Variants in DZANK1 observed in about 807,000 individuals in gnomAD.
The protein encoded by DZANK1 is double zinc ribbon and ankyrin repeat domains 1, also known as double zinc ribbon and ankyrin repeat-containing protein 1.
Under a neutral mutation model 94.5 loss-of-function variants are expected in DZANK1, and 91 were observed. The observed-to-expected ratio is 0.96, with a 90% CI of 0.81 to 1.15. DZANK1 has a LOEUF of 1.15. DZANK1 is among the 50% of genes most tolerant of loss of function. The probability of loss-of-function intolerance (pLI) is 0.00; values close to 1 mark genes in which losing one functional copy is unlikely to be tolerated. For missense variants in DZANK1, 903 were observed against 916.4 expected (o/e 0.99, Z 0.19); for synonymous variants, 312 against 325.3 (o/e 0.96, Z 0.44).
rs774305044 is a variant in DZANK1 at position 18,415,308 on chromosome 20, T to C, written c.1077+19A>G. On this transcript the variant is annotated intron_variant, in intron 11 of 20. Coordinates refer to ENST00000262547, the Ensembl canonical transcript of DZANK1. Reference sequence around the variant, plus strand: ...GGTGAGGTGCTCAGTATACAGAATCTCAGTTTTAAAATACCCACCATGGCT... The same window carrying C: ...GGTGAGGTGCTCAGTATACAGAATCCCAGTTTTAAAATACCCACCATGGCT... The C allele has an allele frequency of 6.6e-7, 1 of 1,516,854 alleles. No homozygotes were observed. Among genetic ancestry groups the C allele is most frequent in the South Asian group, 1.3e-5 (1 of 77,482 alleles). 94.0% of individuals were successfully genotyped at this position (1,516,854 alleles called of 1,614,324 possible). A position where few individuals can be genotyped will look rare whatever the true frequency, so the allele number is the denominator to read the frequency against.
At position 18,419,945 on chromosome 20, in the gene DZANK1, C is replaced by T. The variant is rs147227338; in HGVS notation, c.955-4496G>A. On this transcript the variant is annotated intron_variant, in intron 10 of 20. Coordinates refer to ENST00000262547, the Ensembl canonical transcript of DZANK1. The stretch of plus-strand genomic sequence containing the variant: ...TGGTTTTTTCCTCTTAATTCCCTTA[C>T]AAGCCCTTATAATTGTTTAAAGTAG... Among the ~76,000 whole-genome samples, 31 of 150,200 alleles carry T rather than the reference C, an allele frequency of 2.1e-4. No homozygotes were observed. In the East Asian group the frequency reaches 5.5e-3, roughly 27 times the overall value.
At chr20:18,415,778 G>T (rs530421084) in intron 10 of DZANK1, among the ~76,000 whole-genome samples, 126 of 152,308 alleles carry the variant, frequency 8.3e-4, no homozygotes, top group African/African-American at 2.9e-3. Context: ...ATTAATGAAG[G>T]AAGAAGAGAG....
At chr20:18,442,512 G>A (rs1250335601) in intron 8 of DZANK1, among the ~76,000 whole-genome samples, 1 of 151,898 alleles carries the variant, frequency 6.6e-6, no homozygotes, top group Non-Finnish European at 1.5e-5. Flanking sequence ...TCTTTAAGGA[G>A]TTTAAAATGT....
intron 13 of DZANK1, among the ~76,000 whole-genome samples, chr20:18,408,473 C>A (rs2057069854): frequency 6.6e-6 from 1 of 152,092 alleles, no homozygotes; most frequent in African/African-American, 2.4e-5. Context: ...TAATTAAACT[C>A]TAAAAGGTCA....
chr20:18,439,524 TCTTA>T (rs780265325), intron 8 of DZANK1, among the ~76,000 whole-genome samples: 2 of 152,178 alleles, frequency 1.3e-5, no homozygotes, highest in Non-Finnish European at 2.9e-5. Flanking sequence ...GTCAGATTCC[TCTTA>T]CTGAAACATC....
At chr20:18,400,425 G>T (rs1412810761) in intron 13 of DZANK1, among the ~76,000 whole-genome samples, 1 of 152,190 alleles carries the variant, frequency 6.6e-6, no homozygotes, top group Non-Finnish European at 1.5e-5. Context: ...CATGAGTGAG[G>T]GCAGCCCAAG....
At chr20:18,385,164 C>T in intron 19 of DZANK1, 74 bp from the exon 20 acceptor site, 1 of 1,460,490 alleles carries the variant, frequency 6.8e-7, no homozygotes, top group South Asian at 1.2e-5. Context: ...TGCATGTGAC[C>T]CAAGGTCCTG....
chr20:18,415,277 G>A (rs753467918), intron 11 of DZANK1, 50 bp downstream of exon 11: 21 of 1,390,618 alleles, frequency 1.5e-5, no homozygotes, highest in African/African-American at 3.0e-5. Flanking sequence ...CTCTCTCCAG[G>A]CCAGTGGTGA....
At position 18,412,637 on chromosome 20, in the gene DZANK1, C is replaced by A. The variant is rs749051406; in HGVS notation, c.1432+9G>T. 2.5e-6 allele frequency: 4 copies of A among 1,611,666 alleles called. No homozygotes were observed. The African/African-American group carries it at 5.3e-5, about 22-fold the overall frequency. ...TCCCGACCAGAAGAAAGGGCATCCTCCCCCTTACCTCTTCCTGGGCTGATG... is the reference window on the plus strand; with the variant it reads ...TCCCGACCAGAAGAAAGGGCATCCTACCCCTTACCTCTTCCTGGGCTGATG... On this transcript the variant is annotated intron_variant, in intron 13 of 20. Transcript: ENST00000262547.
intron 10 of DZANK1, among the ~76,000 whole-genome samples, chr20:18,424,584 C>T (rs1186502214): frequency 6.6e-6 from 1 of 151,996 alleles, no homozygotes; most frequent in African/African-American, 2.4e-5. Context: ...AAGTGATATG[C>T]CAGCAATATA....
intron 4 of DZANK1, 158 bp from the exon 5 acceptor site, chr20:18,453,985 G>A (rs1452388454): frequency 1.3e-6 from 1 of 741,972 alleles, no homozygotes; most frequent in Admixed American, 1.7e-5. Flanking sequence ...CTGGAAACAT[G>A]CAGCTTTGTA....
chr20:18,429,646 T>G lies in DZANK1; in HGVS notation c.862-2487A>C, dbSNP rs141087162. The stretch of plus-strand genomic sequence containing the variant: ...ATTAGGGTCCAGCACTCACTCCGTT[T>G]AAATACCTTTCCCTGCCCTCCTTCT... On this transcript the variant is annotated intron_variant, in intron 9 of 20. Coordinates refer to ENST00000262547, the Ensembl canonical transcript of DZANK1. 1.4e-4 allele frequency among the ~76,000 whole-genome samples: 21 copies of G among 152,306 alleles called. No homozygotes were observed. In the East Asian group the frequency reaches 4.1e-3, roughly 29 times the overall value.
At chr20:18,445,333 A>G (rs546573260) in intron 7 of DZANK1, among the ~76,000 whole-genome samples, 1 of 152,364 alleles carries the variant, frequency 6.6e-6, no homozygotes, top group African/African-American at 2.4e-5. Flanking sequence ...ATCAAAGTAC[A>G]TGAAGAAAAA....
chr20:18,462,825 C>G (rs1164770113), intron 2 of DZANK1, among the ~76,000 whole-genome samples: 1 of 151,468 alleles, frequency 6.6e-6, no homozygotes, highest in African/African-American at 2.4e-5. Flanking sequence ...GTAATCCCAG[C>G]TACTCCGAAG....
chr20:18,411,578 C>T (rs1239243587), intron 13 of DZANK1, among the ~76,000 whole-genome samples: 1 of 151,864 alleles, frequency 6.6e-6, no homozygotes, highest in Admixed American at 6.6e-5. Context: ...TTCATAACCA[C>T]TTCAAAAAAA....
rs148460027 is a variant in DZANK1, at chr20:18,422,602, G to A, written c.954+4465C>T. On this transcript the variant is annotated intron_variant, in intron 10 of 20. Coordinates refer to ENST00000262547, the Ensembl canonical transcript of DZANK1. Reference sequence around the variant, plus strand: ...ATTACCTTCAGGCCATTTGTATAACGTGTATAAGAAACATAAAGAATTTCA... The same window carrying A: ...ATTACCTTCAGGCCATTTGTATAACATGTATAAGAAACATAAAGAATTTCA... Among the ~76,000 whole-genome samples, 525 of 152,152 alleles carry A rather than the reference G, an allele frequency of 3.5e-3. 3 individuals carry two copies. Among genetic ancestry groups the A allele is most frequent in the African/African-American group, 5.1e-3 (213 of 41,518 alleles).
chr20:18,414,363 A>C (rs749349697), exon 12 of DZANK1: 3 of 1,613,788 alleles, frequency 1.9e-6, no homozygotes, highest in Non-Finnish European at 1.7e-6. Context: ...AAAAAGGGCG[A>C]GGTTCCTCAG....
intron 13 of DZANK1, among the ~76,000 whole-genome samples, chr20:18,411,469 A>G (rs1029363894): frequency 1.1e-4 from 17 of 152,232 alleles, no homozygotes; most frequent in Non-Finnish European, 2.4e-4. Flanking sequence ...AGACCTATAA[A>G]AAGTAAAGAG....
intron 10 of DZANK1, among the ~76,000 whole-genome samples, chr20:18,418,748 T>C (rs1380554263): frequency 6.6e-6 from 1 of 152,178 alleles, no homozygotes; most frequent in African/African-American, 2.4e-5. Context: ...ATTTAAAGCA[T>C]ATTCTGTCCA....
Sources: gnomAD v4.1 joint callset for allele counts (sites outside exome capture counted in the v4.1 genomes callset) on GRCh38, gnomAD v4.1.1 for gene constraint, MANE v1.5 for transcripts, NCBI Gene and HGNC (gene_info 2026-07-23, HGNC 2026-07-21) for gene names.